NTRK3: variants seen among roughly 807,000 people sequenced by gnomAD.
The protein encoded by NTRK3 is NT-3 growth factor receptor.
NTRK3 carries 24 observed loss-of-function variants against 91.7 expected under a neutral mutation model. The ratio of observed to expected loss-of-function variants is 0.26; its 90% CI spans 0.19 to 0.37. The LOEUF (loss-of-function observed/expected upper bound fraction) is 0.37. Among genes scored for constraint, NTRK3 ranks in the 10% least tolerant of loss-of-function variants. NTRK3 has a pLI of 1.00. For missense variants in NTRK3, 880 were observed against 1,068.9 expected (o/e 0.82, Z 2.46); for synonymous variants, 483 against 404.0 (o/e 1.20, Z -2.34).
intron 13 of NTRK3, among the ~76,000 whole-genome samples, chr15:88,062,793 G>T (rs538537834): frequency 1.3e-5 from 2 of 152,304 alleles, no homozygotes; most frequent in East Asian, 3.9e-4. Context: ...TACTATTTTT[G>T]TTAGAAGGGT....
chr15:87,949,970 C>T (rs554853422), intron 14 of NTRK3, among the ~76,000 whole-genome samples: 2 of 152,120 alleles, frequency 1.3e-5, no homozygotes, highest in Non-Finnish European at 2.9e-5. Flanking sequence ...AGTGACAAAC[C>T]CTCTTCAAAG....
At chr15:88,112,329 T>G (rs1383056539) in intron 13 of NTRK3, among the ~76,000 whole-genome samples, 1 of 152,216 alleles carries the variant, frequency 6.6e-6, no homozygotes, top group African/African-American at 2.4e-5. Flanking sequence ...AAAACACTAG[T>G]ATCTTTATAA....
At position 88,256,182 on chromosome 15, in the gene NTRK3, G is replaced by GGAGGA. The variant is rs777681419; in HGVS notation, c.-15-19_-15-15dup. 3.9e-6 allele frequency: 6 copies of GGAGGA among 1,540,646 alleles called. No homozygotes were observed. In the Admixed American group the frequency reaches 9.1e-5, roughly 23 times the overall value. Reference sequence around the variant, plus strand: ...CGATCGCTGCTTCTAAAAAAGAGGAGGAGGAGAGGAGAGGGGGGTGGGGTG... The same window carrying GGAGGA: ...CGATCGCTGCTTCTAAAAAAGAGGAGGAGGAGAGGAGAGGAGAGGGGGGTGGGGTG... On this transcript the variant is annotated splice_polypyrimidine_tract_variant and intron_variant, in intron 2 of 18. Transcript: ENST00000394480.
At chr15:88,103,051 ATAT>A (rs1187367082) in intron 13 of NTRK3, among the ~76,000 whole-genome samples, 1 of 152,216 alleles carries the variant, frequency 6.6e-6, no homozygotes, top group Non-Finnish European at 1.5e-5. Flanking sequence ...TGTGTTACAG[ATAT>A]TATAACTCCA....
intron 13 of NTRK3, among the ~76,000 whole-genome samples, chr15:88,076,003 G>A (rs1474844706): frequency 6.6e-6 from 1 of 152,198 alleles, no homozygotes; most frequent in East Asian, 1.9e-4. Context: ...TTTTGATGGT[G>A]GTGGTGCTAT....
chr15:87,981,020 AC>A (rs1216045744), intron 14 of NTRK3, among the ~76,000 whole-genome samples: 1 of 152,032 alleles, frequency 6.6e-6, no homozygotes, highest in African/African-American at 2.4e-5. Flanking sequence ...CATAGCCCTT[AC>A]CTAGGCCCTA....
intron 14 of NTRK3, among the ~76,000 whole-genome samples, chr15:87,942,355 C>A (rs1231711731): frequency 1.3e-5 from 2 of 152,222 alleles, no homozygotes; most frequent in African/African-American, 2.4e-5. Flanking sequence ...AACTGGTTCC[C>A]TTCTTCACAC....
rs570703790 is a variant in NTRK3, at chr15:88,041,266, C to T, written c.1397-8221G>A. Among the ~76,000 whole-genome samples the T allele has an allele frequency of 1.5e-4, 23 of 152,290 alleles. 1 individual carries two copies. Among genetic ancestry groups the T allele is most frequent in the South Asian group, 6.2e-4 (3 of 4,822 alleles). On this transcript the variant is annotated intron_variant, in intron 13 of 18. Coordinates refer to ENST00000394480, the Ensembl canonical transcript of NTRK3. ...GACTTAAATTGTACAATTCCAACTCCAGAATCGATTCCTGTACTCCTTCCT... is the reference window on the plus strand; with the variant it reads ...GACTTAAATTGTACAATTCCAACTCTAGAATCGATTCCTGTACTCCTTCCT...
chr15:87,965,886 T>C (rs750735270), intron 14 of NTRK3, among the ~76,000 whole-genome samples: 5 of 152,096 alleles, frequency 3.3e-5, no homozygotes, highest in Admixed American at 1.3e-4. Context: ...GAGACCAGCC[T>C]GGCCAACGTG....
At chr15:88,068,183 G>A (rs2046817175) in intron 13 of NTRK3, among the ~76,000 whole-genome samples, 1 of 152,172 alleles carries the variant, frequency 6.6e-6, no homozygotes, top group Non-Finnish European at 1.5e-5. Flanking sequence ...TGTTACCCCA[G>A]CACTTTGGGA....
chr15:88,068,437 A>C (rs2046838028), intron 13 of NTRK3, among the ~76,000 whole-genome samples: 1 of 152,004 alleles, frequency 6.6e-6, no homozygotes, highest in African/African-American at 2.4e-5. Context: ...TCTCAAAAAA[A>C]CAAAACAAAA....
chr15:87,874,047 TGCAG>T (rs2064889110), exon 19 of NTRK3: 1 of 228,558 alleles, frequency 4.4e-6, no homozygotes, highest in Non-Finnish European at 8.7e-6. Flanking sequence ...CCCCTTATTC[TGCAG>T]ATGGGGAAAT....
chr15:88,115,894 C>T (rs530890338), intron 13 of NTRK3, among the ~76,000 whole-genome samples: 43 of 152,176 alleles, frequency 2.8e-4, no homozygotes, highest in Non-Finnish European at 4.7e-4. Flanking sequence ...CGAGCCACTC[C>T]GGGGCCTGCC....
chr15:88,131,323 C>G lies in NTRK3; in HGVS notation c.1205-2589G>C, dbSNP rs185216641. ...CAGTCTTAGCTCTATTAAGTATGAA[C>G]CAGCAGATATTCTCTAACTACTTGT... On this transcript the variant is annotated intron_variant, in intron 10 of 18. Coordinates refer to ENST00000394480, the Ensembl canonical transcript of NTRK3. 1.2e-3 allele frequency among the ~76,000 whole-genome samples: 185 copies of G among 152,328 alleles called. 1 individual carries two copies. The Middle Eastern group carries it at 0.031, about 25-fold the overall frequency.
intron 14 of NTRK3, among the ~76,000 whole-genome samples, chr15:87,954,116 G>T (rs2071433516): frequency 6.6e-6 from 1 of 151,552 alleles, no homozygotes; most frequent in East Asian, 2.0e-4. Flanking sequence ...AGATGTGAAT[G>T]ACTCCTTGAG....
intron 14 of NTRK3, among the ~76,000 whole-genome samples, chr15:87,998,599 A>C (rs529347660): frequency 1.3e-5 from 2 of 152,314 alleles, no homozygotes; most frequent in African/African-American, 4.8e-5. Context: ...TAATCCATGT[A>C]AACTCACAGC....
chr15:87,931,708 G>A (rs745591703), intron 16 of NTRK3, among the ~76,000 whole-genome samples: 2 of 152,138 alleles, frequency 1.3e-5, no homozygotes, highest in Non-Finnish European at 2.9e-5. Flanking sequence ...TTCCTTTAGG[G>A]CCATCTTTAT....
At chr15:87,902,934 C>T (rs1055425908) in intron 17 of NTRK3, among the ~76,000 whole-genome samples, 1 of 152,106 alleles carries the variant, frequency 6.6e-6, no homozygotes, top group African/African-American at 2.4e-5. Context: ...CCCTACATGT[C>T]TGCACCCAAA....
intron 3 of NTRK3, among the ~76,000 whole-genome samples, chr15:88,197,124 A>AC (rs2047907860): frequency 6.7e-6 from 1 of 148,726 alleles, no homozygotes; most frequent in African/African-American, 2.5e-5. Context: ...AAAAAAAAAA[A>AC]AAACCTCTGT....
Sources: gnomAD v4.1 joint callset for allele counts (sites outside exome capture counted in the v4.1 genomes callset) on GRCh38, gnomAD v4.1.1 for gene constraint, MANE v1.5 for transcripts, NCBI Gene and HGNC (gene_info 2026-07-23, HGNC 2026-07-21) for gene names.